DHX32: variants seen among roughly 807,000 people sequenced by gnomAD.
The protein encoded by DHX32 is DEAH-box helicase 32 (putative).
DHX32 carries 51 observed loss-of-function variants against 70.0 expected under a neutral mutation model. The observed-to-expected ratio is 0.73, with a 90% CI of 0.58 to 0.92. The LOEUF is 0.92. Ranked by LOEUF, DHX32 falls within the 40% of genes least tolerant of loss-of-function variation. The pLI, the probability that DHX32 is intolerant of heterozygous loss-of-function variation, is 0.00. For missense variants in DHX32, 762 were observed against 891.8 expected (o/e 0.85, Z 1.85); for synonymous variants, 310 against 315.3 (o/e 0.98, Z 0.18).
In DHX32 at chr10:125,876,389, T is replaced by C. The variant is rs567939709; in HGVS notation, c.282+4154A>G. Among the ~76,000 whole-genome samples the C allele has an allele frequency of 1.6e-4, 25 of 152,352 alleles. No individual in the cohort carries two copies. The South Asian group carries it at 5.0e-3, about 30-fold the overall frequency. ...CTTGACAACAAACAAGATGAACCCA[T>C]TGGGTGGTTACAAATGTATAATGAG... On this transcript the variant is annotated intron_variant, in intron 1 of 10. Transcript: ENST00000284690.
chr10:125,848,299 T>C (rs1944049736), intron 6 of DHX32, among the ~76,000 whole-genome samples: 3 of 152,174 alleles, frequency 2.0e-5, no homozygotes, highest in Admixed American at 2.0e-4. Context: ...CACAGGGACA[T>C]GTTCCCAAAA....
At chr10:125,879,531 T>G (rs1040948250) in intron 1 of DHX32, among the ~76,000 whole-genome samples, 11 of 152,224 alleles carry the variant, frequency 7.2e-5, no homozygotes, top group Non-Finnish European at 1.5e-4. Flanking sequence ...TGTCTTACTT[T>G]CATGTTCAGC....
At chr10:125,868,425 G>T (rs1944236251) in intron 1 of DHX32, among the ~76,000 whole-genome samples, 1 of 152,096 alleles carries the variant, frequency 6.6e-6, no homozygotes, top group Non-Finnish European at 1.5e-5. Context: ...GAAATTCTTA[G>T]ATCTGAATTC....
At chr10:125,860,565 A>G (rs1464271810) in intron 2 of DHX32, among the ~76,000 whole-genome samples, 1 of 152,178 alleles carries the variant, frequency 6.6e-6, no homozygotes, top group African/African-American at 2.4e-5. Context: ...TAAGGGCAGC[A>G]TGAAAACTGG....
At chr10:125,892,660 C>T (rs543331554) in intron 1 of DHX32, among the ~76,000 whole-genome samples, 2 of 152,280 alleles carry the variant, frequency 1.3e-5, no homozygotes, top group East Asian at 1.9e-4. Context: ...TTCCAGAGCC[C>T]AGGAAGTACC....
chr10:125,882,509 C>T (rs1182757333), upstream of DHX32, among the ~76,000 whole-genome samples: 1 of 152,074 alleles, frequency 6.6e-6, no homozygotes, highest in Non-Finnish European at 1.5e-5. Flanking sequence ...GCACTAGATA[C>T]ACACATAAAG....
chr10:125,889,991 C>CTG (rs1366273778), intron 1 of DHX32, among the ~76,000 whole-genome samples: 1 of 152,300 alleles, frequency 6.6e-6, no homozygotes, highest in Non-Finnish European at 1.5e-5. Flanking sequence ...CTGCTTAACC[C>CTG]CAGTTCAGTG....
intron 6 of DHX32, 127 bp from the exon 7 acceptor site, chr10:125,842,061 A>G: frequency 2.5e-6 from 3 of 1,218,434 alleles, no homozygotes; most frequent in South Asian, 3.7e-5. Context: ...AACGGTTTGC[A>G]AGCCACCAAA....
At chr10:125,879,017 T>C (rs1164315325) in intron 1 of DHX32, among the ~76,000 whole-genome samples, 52 of 18,986 alleles carry the variant, frequency 2.7e-3, no homozygotes, top group African/African-American at 6.4e-3. Flanking sequence ...CTTTTCTTGT[T>C]TTTTTTTTTT....
chr10:125,881,994 G>T (rs896325522), upstream of DHX32, among the ~76,000 whole-genome samples: 2 of 152,156 alleles, frequency 1.3e-5, no homozygotes, highest in Non-Finnish European at 2.9e-5. Context: ...GAAATCTCTA[G>T]CATATTTCTT....
intron 1 of DHX32, among the ~76,000 whole-genome samples, chr10:125,874,945 C>T (rs1478430559): frequency 5.3e-5 from 8 of 152,084 alleles, no homozygotes; most frequent in Admixed American, 2.0e-4. Context: ...AATGATAGGC[C>T]GGGTGAAGTG....
Position 125,880,722 on chromosome 10 carries a change from A to G in DHX32, c.103T>C (p.Cys35Arg). The G allele has an allele frequency of 5.6e-6, 9 of 1,614,244 alleles. No homozygotes were observed. Among genetic ancestry groups the G allele is most frequent in the Non-Finnish European group, 7.6e-6 (9 of 1,180,030 alleles). ...AAGGGGTTAAGTTCCAAATCCTCAC[A>G]GGCCAAAACCTCTTCCTCATCCCCA... is the stretch of plus-strand genomic sequence containing the variant. ...SDGDEEEVLA[C>R]EDLELNPFDG... Residue 35 changes from cysteine (C) to arginine (R), a missense_variant, in exon 1 of 11, where the codon TGT (cysteine) becomes CGT (arginine). Cys to Arg is a radical substitution (Grantham distance 180). This residue lies in a region of DHX32 where 394 missense variants were observed against 473.1 expected (regional missense o/e 0.83). Coordinates refer to ENST00000284690, the MANE Select transcript of DHX32 (RefSeq NM_018180.3).
chr10:125,854,299 G>C, intron 3 of DHX32, 96 bp from the exon 4 acceptor site: 4 of 1,260,422 alleles, frequency 3.2e-6, no homozygotes, highest in African/African-American at 1.5e-5. Context: ...GCAATACTAC[G>C]TAACAGATAC....
chr10:125,879,170 C>T (rs927694001), intron 1 of DHX32, among the ~76,000 whole-genome samples: 7 of 147,510 alleles, frequency 4.7e-5, no homozygotes, highest in South Asian at 4.4e-4. Flanking sequence ...ACCACAGGCA[C>T]GCACCACCAT....
At chr10:125,872,697 T>C (rs1279828623) in intron 1 of DHX32, among the ~76,000 whole-genome samples, 1 of 152,188 alleles carries the variant, frequency 6.6e-6, no homozygotes, top group African/African-American at 2.4e-5. Flanking sequence ...TGATGTGCCA[T>C]TTGCATAAAG....
chr10:125,870,274 T>C (rs1278241171), intron 1 of DHX32, among the ~76,000 whole-genome samples: 3 of 151,966 alleles, frequency 2.0e-5, no homozygotes, highest in South Asian at 2.1e-4. Flanking sequence ...GAGCTAGAGA[T>C]AGGCATGGTA....
In DHX32 at chr10:125,857,879, G is replaced by T. The variant is rs868792061; in HGVS notation, c.849+1724C>A. On this transcript the variant is annotated intron_variant, in intron 3 of 10. Coordinates refer to ENST00000284690, the MANE Select transcript of DHX32 (RefSeq NM_018180.3). ...TTTTCTTGCAGAAATGTATATCCTG[G>T]TTTTTTTTTTTTAATTTTTCATTTT... Among the ~76,000 whole-genome samples the T allele has an allele frequency of 5.6e-3, 789 of 140,844 alleles. 5 individuals carry two copies. The highest frequency in any genetic ancestry group is 0.019 in the African/African-American group (739 of 38,032). 92.4% of individuals were successfully genotyped at this position (140,844 alleles called of 152,430 possible).
At chr10:125,872,023 T>G (rs958025135) in intron 1 of DHX32, among the ~76,000 whole-genome samples, 2 of 152,100 alleles carry the variant, frequency 1.3e-5, no homozygotes, top group Admixed American at 6.6e-5. Flanking sequence ...CCAGCACACC[T>G]GGCTAATTTT....
chr10:125,857,900 A>ATTT (rs570512404), intron 3 of DHX32, among the ~76,000 whole-genome samples: 2 of 116,358 alleles, frequency 1.7e-5, no homozygotes, highest in Non-Finnish European at 3.7e-5. Context: ...TTAATTTTTC[A>ATTT]TTTTTTTTTT....
Sources: allele counts gnomAD v4.1 joint callset (sites outside exome capture counted in the v4.1 genomes callset), GRCh38; gene constraint gnomAD v4.1.1; regional missense constraint gnomAD v4.1.1; transcripts MANE v1.5; gene names NCBI Gene and HGNC (gene_info 2026-07-23, HGNC 2026-07-21).